The following SIDT2 variants were observed in gnomAD, a reference collection of about 807,000 sequenced individuals.
SIDT2 encodes the protein SID1 transmembrane family member 2.
SIDT2 carries 68 observed loss-of-function variants against 114.4 expected under a neutral mutation model. That is an observed-to-expected ratio of 0.59 (90% confidence interval 0.49 to 0.73). SIDT2 has a LOEUF of 0.73. SIDT2 is among the 30% of genes least tolerant of loss of function. The pLI, the probability that SIDT2 is intolerant of heterozygous loss-of-function variation, is 0.00. For missense variants in SIDT2, 918 were observed against 1,097.1 expected (o/e 0.84, Z 2.31); for synonymous variants, 470 against 438.4 (o/e 1.07, Z -0.90).
chr11:117,179,268 T>G lies in SIDT2; in HGVS notation c.5T>G (p.Phe2Cys). The change falls in exon 1 of 26, where the codon TTC becomes TGC. Residue 2 changes from phenylalanine (F) to cysteine (C), a missense_variant. Coordinates refer to ENST00000324225, the MANE Select transcript of SIDT2 (RefSeq NM_001040455.2). ...CACTGCCGCCCTGCCGGGGCCATGT[T>G]CGCTCTGGGCTTGCCCTTCTTGGTG... MFALGLPFLVLL... is the reference protein window; with the variant it reads MCALGLPFLVLL... 1.2e-6 allele frequency: 2 copies of G among 1,610,120 alleles called. No individual in the cohort carries two copies. The highest frequency in any genetic ancestry group is 1.7e-6 in the Non-Finnish European group (2 of 1,178,162).
chr11:117,192,385 G>A lies in SIDT2; in HGVS notation c.1981+23G>A, dbSNP rs1313224326. ...TGGGTAAGGGCACGCCCGGGGCAGGGCCTGGGGGAGGGGTCTGGGGGGCCT... is the reference window on the plus strand; with the variant it reads ...TGGGTAAGGGCACGCCCGGGGCAGGACCTGGGGGAGGGGTCTGGGGGGCCT... On this transcript the variant is annotated intron_variant, in intron 20 of 25. Transcript: ENST00000324225. The surrounding 1 kb of genome is among the most constrained non-coding windows in gnomAD (Gnocchi z 5.9). 1 of 1,502,552 alleles carries A rather than the reference G, an allele frequency of 6.7e-7. No homozygotes were observed. The highest frequency in any genetic ancestry group is 1.4e-5 in the African/African-American group (1 of 72,700). 93.1% of individuals were successfully genotyped at this position (1,502,552 alleles called of 1,614,324 possible). A position where few individuals can be genotyped will look rare whatever the true frequency, so the allele number is the denominator to read the frequency against.
chr11:117,183,657 G>T, intron 6 of SIDT2, 122 bp from the exon 7 acceptor site: 1 of 728,584 alleles, frequency 1.4e-6, no homozygotes, highest in Non-Finnish European at 2.2e-6. Flanking sequence ...AAAAAATCTT[G>T]TGAGGATTAA....
At position 117,182,803 on chromosome 11, in the gene SIDT2, A is replaced by C; in HGVS notation, c.699A>C (p.Val233=). 1 of 1,613,574 alleles carries C rather than the reference A, an allele frequency of 6.2e-7. No individual in the cohort carries two copies. Residue 233 remains valine, a synonymous_variant, in exon 6 of 26, where the codon GTA becomes GTC. Coordinates refer to ENST00000324225, the MANE Select transcript of SIDT2 (RefSeq NM_001040455.2). ...QTMTKKAAIT[V]QRKDFPSNSF... ...TGACCAAGAAGGCGGCCATCACCGTACAGGTAGGAAATGCATGTGGCCACG... is the reference window on the plus strand; with the variant it reads ...TGACCAAGAAGGCGGCCATCACCGTCCAGGTAGGAAATGCATGTGGCCACG...
At chr11:117,186,065 T>C in intron 8 of SIDT2, 65 bp from the exon 9 acceptor site, 6 of 1,384,694 alleles carry the variant, frequency 4.3e-6, no homozygotes, top group Non-Finnish European at 5.1e-6. Flanking sequence ...TGAAGGCCTT[T>C]GGGTGCCATG....
In SIDT2 at chr11:117,186,074, T is replaced by C. The variant is rs1271216247; in HGVS notation, c.869-56T>C. On this transcript the variant is annotated intron_variant, in intron 8 of 25. Transcript: ENST00000324225. The stretch of plus-strand genomic sequence containing the variant: ...AGGACATGAAGGCCTTTGGGTGCCA[T>C]GATGGGAGGTGGTGGAAGGTTTTGA... 11 of 1,469,572 alleles carry C rather than the reference T, an allele frequency of 7.5e-6. No individual in the cohort carries two copies. In the Admixed American group the frequency reaches 1.7e-4, roughly 22 times the overall value. The allele number at this position is 1,469,572 out of a possible 1,614,324, so 91.0% of individuals were successfully genotyped here. A position where few individuals can be genotyped will look rare whatever the true frequency, so the allele number is the denominator to read the frequency against.
intron 2 of SIDT2, 98 bp downstream of exon 2, chr11:117,181,635 T>G (rs2030289239): frequency 1.3e-6 from 2 of 1,588,076 alleles, no homozygotes; most frequent in Non-Finnish European, 1.7e-6. Context: ...CCCCTTTCCC[T>G]GGGCTGGGAG....
Position 117,195,981 on chromosome 11 carries a change from C to T in SIDT2, c.2437-23C>T, listed in dbSNP as rs765491679. The stretch of plus-strand genomic sequence containing the variant: ...GTAGCAGCTGCCTCCTTCTCTGTGG[C>T]TGATCTGGCGTCCACACCCCAGGTG... On this transcript the variant is annotated intron_variant, in intron 25 of 25. Coordinates refer to ENST00000324225, the MANE Select transcript of SIDT2 (RefSeq NM_001040455.2). 3.7e-6 allele frequency: 6 copies of T among 1,614,254 alleles called. 1 individual carries two copies. In the South Asian group the frequency reaches 6.6e-5, roughly 18 times the overall value.
chr11:117,189,607 C>T, intron 15 of SIDT2: 1 of 623,326 alleles, frequency 1.6e-6, no homozygotes, highest in Non-Finnish European at 2.8e-6. Context: ...TGGGAGCAGC[C>T]CGCACTAAAG....
chr11:117,181,740 C>A, intron 2 of SIDT2, 67 bp from the exon 3 acceptor site: 1 of 1,605,022 alleles, frequency 6.2e-7, no homozygotes, highest in Non-Finnish European at 8.5e-7. Flanking sequence ...GGTGGGGCCT[C>A]GCTCCTCTGG....
rs779893045 is a variant in SIDT2 at position 117,192,331 on chromosome 11, G to A, written c.1950G>A (p.Thr650=). 4.0e-5 allele frequency: 64 copies of A among 1,609,428 alleles called. No individual in the cohort carries two copies. In the East Asian group the frequency reaches 1.2e-3, roughly 29 times the overall value. Residue 650 remains threonine, a synonymous_variant, in exon 20 of 26, where the codon ACG becomes ACA. Coordinates refer to ENST00000324225, the MANE Select transcript of SIDT2 (RefSeq NM_001040455.2). This position sits in a 1 kb window ranked among gnomAD's most constrained non-coding sequence, Gnocchi z 5.9. ...IHIIATLLLS[T]QLYYMGRWKL... ...TCATCGCCACCCTGCTCCTCAGCACGCAGCTCTATTACATGGGCCGGTGGA... is the reference window on the plus strand; with the variant it reads ...TCATCGCCACCCTGCTCCTCAGCACACAGCTCTATTACATGGGCCGGTGGA...
intron 2 of SIDT2, 55 bp downstream of exon 2, chr11:117,181,592 G>T: frequency 1.2e-6 from 2 of 1,608,600 alleles, no homozygotes; most frequent in Non-Finnish European, 1.7e-6. Flanking sequence ...GTCCTTGGCT[G>T]GAGCCTCAAC....
Position 117,192,442 on chromosome 11 carries a change from T to C in SIDT2, c.1981+80T>C. On this transcript the variant is annotated intron_variant, in intron 20 of 25. Transcript: ENST00000324225. This position sits in a 1 kb window ranked among gnomAD's most constrained non-coding sequence, Gnocchi z 5.9. Reference sequence around the variant, plus strand: ...CCCGGACGCACGGGAGACGCTCAGGTTCTGTCTTGGGGGCCCTGGAGTCAC... The same window carrying C: ...CCCGGACGCACGGGAGACGCTCAGGCTCTGTCTTGGGGGCCCTGGAGTCAC... The C allele has an allele frequency of 7.1e-7, 1 of 1,398,816 alleles. No individual in the cohort carries two copies. Among genetic ancestry groups the C allele is most frequent in the Non-Finnish European group, 1.0e-6 (1 of 994,992 alleles). 86.7% of individuals were successfully genotyped at this position (1,398,816 alleles called of 1,614,324 possible). A position where few individuals can be genotyped will look rare whatever the true frequency, so the allele number is the denominator to read the frequency against.
rs902837418 is a variant in SIDT2 at position 117,186,899 on chromosome 11, G to T, written c.1015+263G>T. On this transcript the variant is annotated intron_variant, in intron 10 of 25. Transcript: ENST00000324225. ...GCCTGCCTTGGGCAGTGTGGCCCAC[G>T]GTCTCTGGGATTATTAACCTTTCCT... 8 of 1,450,960 alleles carry T rather than the reference G, an allele frequency of 5.5e-6. No homozygotes were observed. The South Asian group carries it at 7.3e-5, about 13-fold the overall frequency. 89.9% of individuals were successfully genotyped at this position (1,450,960 alleles called of 1,614,324 possible).
At position 117,189,186 on chromosome 11, in the gene SIDT2, T is replaced by A; in HGVS notation, c.1296T>A (p.Ala432=). 1 of 1,614,242 alleles carries A rather than the reference T, an allele frequency of 6.2e-7. No homozygotes were observed. Among genetic ancestry groups the A allele is most frequent in the Non-Finnish European group, 8.5e-7 (1 of 1,180,046 alleles). Residue 432 remains alanine (A), a synonymous_variant, in exon 14 of 26, where the codon GCT becomes GCA. Transcript: ENST00000324225. The stretch of plus-strand genomic sequence containing the variant: ...CTCCCCAGCAATACCTCTATGTGGC[T>A]GACCTGGCACGGAAGGACAAGCGTG... ...VIRTKQYLYV[A]DLARKDKRVL...
Position 117,196,202 on chromosome 11 carries a change from A to C in SIDT2, c.*136A>C. On this transcript the variant is annotated 3_prime_UTR_variant, in exon 26 of 26. Transcript: ENST00000324225. The surrounding 1 kb of genome is among the most constrained non-coding windows in gnomAD (Gnocchi z 4.9). The stretch of plus-strand genomic sequence containing the variant: ...GGATGGCAGCAGGACAGCCAGGTCT[A>C]GCTTAGGCTTGGCCTGGGACAGCCA... 8.1e-7 allele frequency: 1 copy of C among 1,237,512 alleles called. No individual in the cohort carries two copies. Among genetic ancestry groups the C allele is most frequent in the Non-Finnish European group, 1.1e-6 (1 of 886,532 alleles). The allele number at this position is 1,237,512 out of a possible 1,614,324, so 76.7% of individuals were successfully genotyped here. A position where few individuals can be genotyped will look rare whatever the true frequency, so the allele number is the denominator to read the frequency against.
chr11:117,196,142 T>G lies in SIDT2; in HGVS notation c.*76T>G. ...TCATAGACCGGTCACTCTGTCGTGC[T>G]GTGGGGATGAGTCCCAGCACCGCTG... On this transcript the variant is annotated 3_prime_UTR_variant, in exon 26 of 26. Transcript: ENST00000324225. The surrounding 1 kb of genome is among the most constrained non-coding windows in gnomAD (Gnocchi z 4.9). 6.3e-7 allele frequency: 1 copy of G among 1,592,304 alleles called. No individual in the cohort carries two copies. Among genetic ancestry groups the G allele is most frequent in the Non-Finnish European group, 8.6e-7 (1 of 1,164,882 alleles).
At chr11:117,181,771 A>G in intron 2 of SIDT2, 36 bp from the exon 3 acceptor site, 3 of 1,613,602 alleles carry the variant, frequency 1.9e-6, no homozygotes, top group Non-Finnish European at 2.5e-6. Flanking sequence ...CGGCTGGGAC[A>G]GTGCTCACAT....
rs990157027 is a variant in SIDT2 at position 117,191,739 on chromosome 11, G to T, written c.1736-139G>T. ...ACAACTAAGGAACTGAAGTTCAAGT[G>T]CCACCCTGCCACCAGCTCACACCAT... On this transcript the variant is annotated intron_variant, in intron 18 of 25. Coordinates refer to ENST00000324225, the MANE Select transcript of SIDT2 (RefSeq NM_001040455.2). The T allele has an allele frequency of 4.1e-6, 5 of 1,206,150 alleles. No homozygotes were observed. In the Admixed American group the frequency reaches 6.7e-5, roughly 16 times the overall value. 74.7% of individuals were successfully genotyped at this position (1,206,150 alleles called of 1,614,324 possible).
chr11:117,192,258 T>A lies in SIDT2; in HGVS notation c.1877T>A (p.Phe626Tyr). 6 of 1,605,642 alleles carry A rather than the reference T, an allele frequency of 3.7e-6. No individual in the cohort carries two copies. The highest frequency in any genetic ancestry group is 4.3e-6 in the Non-Finnish European group (5 of 1,172,430). Reference protein sequence around the residue: ...VIFFSVLGVVFGKGNTAFWIV... With the variant: ...VIFFSVLGVVYGKGNTAFWIV... Reference sequence around the variant, plus strand: ...CCCTTGGTGGCCTCCCGACAGGTCTTTGGCAAAGGGAACACGGCGTTCTGG... The same window carrying A: ...CCCTTGGTGGCCTCCCGACAGGTCTATGGCAAAGGGAACACGGCGTTCTGG... The change falls in exon 20 of 26, where the codon TTT becomes TAT. Residue 626 changes from phenylalanine (F) to tyrosine (Y), a missense_variant. Transcript: ENST00000324225. The surrounding 1 kb of genome is among the most constrained non-coding windows in gnomAD (Gnocchi z 5.9).
Sources: allele counts gnomAD v4.1 joint callset, GRCh38; gene constraint gnomAD v4.1.1; non-coding constraint Gnocchi (gnomAD v3.1); transcripts MANE v1.5; gene names NCBI Gene and HGNC (gene_info 2026-07-23, HGNC 2026-07-21).